Variants in RETREG1 observed in about 807,000 individuals in gnomAD.
RETREG1 encodes reticulophagy regulator 1, also known as family with sequence similarity 134 member B.
RETREG1 carries 44 observed loss-of-function variants against 54.8 expected under a neutral mutation model. The ratio of observed to expected loss-of-function variants is 0.80; its 90% CI spans 0.63 to 1.03. The LOEUF is 1.03. Ranked by LOEUF, RETREG1 falls within the 50% of genes least tolerant of loss-of-function variation. The pLI is 0.00. For synonymous variants in RETREG1, 217 were observed against 238.5 expected (o/e 0.91, Z 0.83); for missense variants, 554 against 605.1 (o/e 0.92, Z 0.89).
At chr5:16,519,388 G>A (rs752184180) in intron 3 of RETREG1, among the ~76,000 whole-genome samples, 1 of 152,178 alleles carries the variant, frequency 6.6e-6, no homozygotes, top group Non-Finnish European at 1.5e-5. Context: ...TGCAAAGATT[G>A]CCCCTGACTC....
intron 3 of RETREG1, among the ~76,000 whole-genome samples, chr5:16,504,811 T>G (rs1739881424): frequency 2.0e-5 from 3 of 152,146 alleles, no homozygotes; most frequent in Admixed American, 6.5e-5. Flanking sequence ...ATACAAAAGT[T>G]GACATACGCT....
At chr5:16,616,476 G>C (rs777152056) in intron 1 of RETREG1, 176 bp downstream of exon 1, 61 of 1,139,730 alleles carry the variant, frequency 5.4e-5, no homozygotes, top group Non-Finnish European at 7.2e-5. Flanking sequence ...TGCGTCCGGA[G>C]GAAAGTTGCG....
rs892627306 is a variant in RETREG1 at position 16,540,160 on chromosome 5, C to A, written c.458+25603G>T. On this transcript the variant is annotated intron_variant, in intron 3 of 8. Transcript: ENST00000306320. ...AGATCTAGGAATCCAAAGTGAATTT[C>A]TTAATCCAAGCCTGGATCCCCCCGC... 3.9e-5 allele frequency among the ~76,000 whole-genome samples: 6 copies of A among 152,304 alleles called. No individual in the cohort carries two copies. In the South Asian group the frequency reaches 1.2e-3, roughly 32 times the overall value.
chr5:16,562,372 A>T (rs569149675), intron 3 of RETREG1, among the ~76,000 whole-genome samples: 1 of 152,250 alleles, frequency 6.6e-6, no homozygotes, highest in South Asian at 2.1e-4. Flanking sequence ...GCAGCCCAGG[A>T]TATCTGTGGT....
chr5:16,573,071 T>A (rs1742223827), intron 1 of RETREG1, among the ~76,000 whole-genome samples: 1 of 148,672 alleles, frequency 6.7e-6, no homozygotes, highest in Non-Finnish European at 1.5e-5. Context: ...CAGTCCCAGC[T>A]ACTCCGAGTC....
chr5:16,504,332 C>A (rs1739855857), intron 3 of RETREG1, among the ~76,000 whole-genome samples: 1 of 152,138 alleles, frequency 6.6e-6, no homozygotes, highest in African/African-American at 2.4e-5. Context: ...GATTCCATGT[C>A]TTTGCTATTG....
chr5:16,598,120 C>G (rs1742953810), intron 1 of RETREG1, among the ~76,000 whole-genome samples: 1 of 152,130 alleles, frequency 6.6e-6, no homozygotes, highest in Non-Finnish European at 1.5e-5. Context: ...AGTCCACACT[C>G]CTCCCTCTGG....
intron 1 of RETREG1, among the ~76,000 whole-genome samples, chr5:16,595,622 C>T (rs1167932473): frequency 1.3e-5 from 2 of 152,246 alleles, no homozygotes; most frequent in South Asian, 2.1e-4. Flanking sequence ...GAAGGCTACA[C>T]TACCATTAGC....
chr5:16,576,121 T>G (rs1441894358), intron 1 of RETREG1, among the ~76,000 whole-genome samples: 1 of 152,132 alleles, frequency 6.6e-6, no homozygotes, highest in Admixed American at 6.5e-5. Context: ...GAGGCCAGAG[T>G]GTAATAAACC....
At chr5:16,518,292 T>C (rs1193798634) in intron 3 of RETREG1, among the ~76,000 whole-genome samples, 1 of 148,826 alleles carries the variant, frequency 6.7e-6, no homozygotes, top group East Asian at 1.9e-4. Context: ...TATACACTTA[T>C]ATATTGATGA....
intron 3 of RETREG1, among the ~76,000 whole-genome samples, chr5:16,492,199 C>CCT (rs369038338): frequency 0.012 from 1,676 of 136,048 alleles, 21 homozygotes; most frequent in East Asian, 0.043. Context: ...ACAGTGTTGT[C>CCT]CTCTCTCTCT....
intron 3 of RETREG1, among the ~76,000 whole-genome samples, chr5:16,499,284 C>T (rs572807831): frequency 1.3e-5 from 2 of 152,042 alleles, no homozygotes; most frequent in African/African-American, 2.4e-5. Flanking sequence ...TCGTTTACTT[C>T]AATCATGGAG....
intron 3 of RETREG1, among the ~76,000 whole-genome samples, chr5:16,525,285 G>GTA (rs1740676472): frequency 7.9e-5 from 7 of 88,118 alleles, no homozygotes; most frequent in South Asian, 5.2e-4. Flanking sequence ...TGCGCGGGGG[G>GTA]ACACTGTGCT....
chr5:16,503,661 T>TA (rs1739815726), intron 3 of RETREG1, among the ~76,000 whole-genome samples: 1 of 87,368 alleles, frequency 1.1e-5, no homozygotes, highest in Non-Finnish European at 2.2e-5. Context: ...AGACTCCATC[T>TA]CAAAAAAAAA....
chr5:16,576,317 G>A lies in RETREG1; in HGVS notation c.321-4215C>T, dbSNP rs256876. Among the ~76,000 whole-genome samples the A allele has an allele frequency of 6.2e-3, 798 of 129,756 alleles. 3 individuals are homozygous for A. Among genetic ancestry groups the A allele is most frequent in the African/African-American group, 0.023 (768 of 33,424 alleles). The allele number at this position is 129,756 out of a possible 152,430, so 85.1% of individuals were successfully genotyped here. ...TTCTTTTTTTTTTTTTTTTTGAGATGGAGTCTTGCTCTGTCGCCAGGCTGG... is the reference window on the plus strand; with the variant it reads ...TTCTTTTTTTTTTTTTTTTTGAGATAGAGTCTTGCTCTGTCGCCAGGCTGG... On this transcript the variant is annotated intron_variant, in intron 1 of 8. Transcript: ENST00000306320.
intron 3 of RETREG1, among the ~76,000 whole-genome samples, chr5:16,536,994 A>G (rs928903112): frequency 2.0e-5 from 3 of 152,130 alleles, no homozygotes; most frequent in African/African-American, 7.2e-5. Context: ...CAAAAGGTCC[A>G]GTGTCAGCTG....
intron 1 of RETREG1, among the ~76,000 whole-genome samples, chr5:16,611,851 G>C (rs1341544341): frequency 6.6e-6 from 1 of 152,116 alleles, no homozygotes; most frequent in Admixed American, 6.5e-5. Context: ...GATCACCTGA[G>C]ATCAGGAGTT....
chr5:16,497,669 A>G (rs1202038919), intron 3 of RETREG1, among the ~76,000 whole-genome samples: 1 of 152,238 alleles, frequency 6.6e-6, no homozygotes, highest in Non-Finnish European at 1.5e-5. Flanking sequence ...GAGAAAGATT[A>G]TCACCCTCTG....
At chr5:16,510,278 A>G (rs1740128144) in intron 3 of RETREG1, among the ~76,000 whole-genome samples, 1 of 152,174 alleles carries the variant, frequency 6.6e-6, no homozygotes, top group Admixed American at 6.5e-5. Context: ...TAGACACTTC[A>G]AAGTCTAAGA....
Sources: gnomAD v4.1 joint callset for allele counts (sites outside exome capture counted in the v4.1 genomes callset) on GRCh38, gnomAD v4.1.1 for gene constraint, MANE v1.5 for transcripts, NCBI Gene and HGNC (gene_info 2026-07-23, HGNC 2026-07-21) for gene names.